The following EP300 variants were observed in gnomAD, a reference collection of about 807,000 sequenced individuals.
EP300 encodes the protein histone acetyltransferase p300.
In EP300, 31 loss-of-function variants were observed where a neutral mutation model predicts 264.0. The ratio of observed to expected loss-of-function variants is 0.12; its 90% CI spans 0.09 to 0.16. The LOEUF (loss-of-function observed/expected upper bound fraction) is 0.16, where lower values mean the gene tolerates loss of function less well. EP300 is among the 10% of genes least tolerant of loss of function. EP300 has a pLI of 1.00. For missense variants in EP300, 2,766 were observed against 3,052.9 expected (o/e 0.91, Z 2.21); for synonymous variants, 1,340 against 1,045.4 (o/e 1.28, Z -5.44).
At chr22:41,105,954 A>G (rs746637185) in intron 1 of EP300, among the ~76,000 whole-genome samples, 6 of 152,182 alleles carry the variant, frequency 3.9e-5, no homozygotes, top group Non-Finnish European at 8.8e-5. Context: ...AGTATTAGAG[A>G]TCTTGCCTGT....
At chr22:41,138,627 G>A (rs903663639) in intron 8 of EP300, among the ~76,000 whole-genome samples, 2 of 152,172 alleles carry the variant, frequency 1.3e-5, no homozygotes, top group African/African-American at 4.8e-5. Context: ...AGATGAAGGA[G>A]GGGGAGGCAT....
intron 21 of EP300, among the ~76,000 whole-genome samples, chr22:41,163,434 C>CA (rs763502729): frequency 0.054 from 2,417 of 44,680 alleles, 111 homozygotes; most frequent in East Asian, 0.3. Context: ...GACTCCGTCT[C>CA]AAAAAAAAAA....
chr22:41,176,644 G>A (rs759450780), intron 30 of EP300, 116 bp downstream of exon 30: 176 of 1,608,184 alleles, frequency 1.1e-4, no homozygotes, highest in Non-Finnish European at 1.1e-4. Context: ...CCTCGTGTTT[G>A]AGGGGCAGAG....
At chr22:41,137,926 T>C in intron 8 of EP300, 136 bp downstream of exon 8, 1 of 1,203,688 alleles carries the variant, frequency 8.3e-7, no homozygotes, top group Non-Finnish European at 1.2e-6. Flanking sequence ...ATACTTCTAC[T>C]CTTGTGGATT....
intron 3 of EP300, 41 bp from the exon 4 acceptor site, chr22:41,127,446 A>G: frequency 6.2e-7 from 1 of 1,612,136 alleles, no homozygotes; most frequent in Non-Finnish European, 8.5e-7. Flanking sequence ...GAAATAGCAC[A>G]TTATGACTCC....
At chr22:41,105,229 G>A (rs995497768) in intron 1 of EP300, among the ~76,000 whole-genome samples, 2 of 148,028 alleles carry the variant, frequency 1.4e-5, no homozygotes, top group Non-Finnish European at 1.5e-5. Flanking sequence ...AAAGCCGGGC[G>A]TGGTGGCAGG....
intron 21 of EP300, 151 bp from the exon 22 acceptor site, chr22:41,163,902 C>T: frequency 1.3e-6 from 1 of 752,760 alleles, no homozygotes; most frequent in Non-Finnish European, 2.3e-6. Context: ...AACAGAGACC[C>T]TATCTCTAAA....
intron 2 of EP300, among the ~76,000 whole-genome samples, chr22:41,120,512 C>T (rs376214908): frequency 6.6e-6 from 1 of 152,122 alleles, no homozygotes. Context: ...GACTGTAACC[C>T]TGTTGGCAAA....
chr22:41,127,812 G>A (rs2145710616), intron 4 of EP300, 64 bp downstream of exon 4: 3 of 1,597,228 alleles, frequency 1.9e-6, no homozygotes, highest in Non-Finnish European at 2.6e-6. Flanking sequence ...GAAGGAAAAT[G>A]TGATCAAGTC....
intron 7 of EP300, among the ~76,000 whole-genome samples, chr22:41,136,628 C>G (rs1388910138): frequency 1.3e-5 from 2 of 151,782 alleles, no homozygotes; most frequent in African/African-American, 4.8e-5. Context: ...ACCACTGCAC[C>G]CTAGTCTGGG....
chr22:41,148,818 G>C (rs1228180694), intron 12 of EP300: 4 of 592,932 alleles, frequency 6.7e-6, no homozygotes, highest in Admixed American at 3.0e-5. Flanking sequence ...TCTTGGAGTA[G>C]GCCTAGGTAA....
intron 6 of EP300, among the ~76,000 whole-genome samples, chr22:41,135,540 G>A (rs2058945712): frequency 6.6e-6 from 1 of 151,394 alleles, no homozygotes; most frequent in Admixed American, 6.6e-5. Context: ...TTACAGGCGT[G>A]AGCCTCTGCG....
At chr22:41,114,522 G>A (rs1057093072) in intron 1 of EP300, among the ~76,000 whole-genome samples, 3 of 152,264 alleles carry the variant, frequency 2.0e-5, no homozygotes, top group South Asian at 2.1e-4. Flanking sequence ...TATTTCAAAA[G>A]GAAAGAGTAA....
At chr22:41,098,597 C>T (rs1315397594) in intron 1 of EP300, among the ~76,000 whole-genome samples, 1 of 152,036 alleles carries the variant, frequency 6.6e-6, no homozygotes, top group Non-Finnish European at 1.5e-5. Context: ...GGTCTCCATA[C>T]ACTGACCTCG....
At chr22:41,147,603 T>C (rs2059018750) in intron 11 of EP300, among the ~76,000 whole-genome samples, 1 of 152,058 alleles carries the variant, frequency 6.6e-6, no homozygotes, top group East Asian at 1.9e-4. Flanking sequence ...CTGGGTGTGG[T>C]GGCGGACGCC....
intron 11 of EP300, 87 bp from the exon 12 acceptor site, chr22:41,147,750 A>AT: frequency 4.0e-6 from 4 of 998,580 alleles, no homozygotes; most frequent in South Asian, 1.3e-5. Flanking sequence ...AAAAAAAAAA[A>AT]GATACAGAAT....
chr22:41,111,091 G>C (rs2058787788), intron 1 of EP300, among the ~76,000 whole-genome samples: 1 of 151,614 alleles, frequency 6.6e-6, no homozygotes. Flanking sequence ...TCAGCCTTCT[G>C]AGTAGCTGGG....
chr22:41,173,841 G>C, intron 29 of EP300, 57 bp downstream of exon 29: 1 of 1,605,846 alleles, frequency 6.2e-7, no homozygotes, highest in South Asian at 1.1e-5. Flanking sequence ...GCCAGGCATG[G>C]TGGCTCACAC....
chr22:41,151,830 C>T lies in EP300; in HGVS notation c.2818-3C>T, dbSNP rs2145739728. ...CACCTACTTCCCTTTTTTTTCTGCCCAGCTTTCCCAGCCAGCTGTAAGCAT... is the reference window on the plus strand; with the variant it reads ...CACCTACTTCCCTTTTTTTTCTGCCTAGCTTTCCCAGCCAGCTGTAAGCAT... On this transcript the variant is annotated splice_polypyrimidine_tract_variant and splice_region_variant and intron_variant, in intron 14 of 30. Coordinates refer to ENST00000263253, the MANE Select transcript of EP300 (RefSeq NM_001429.4). 6.2e-7 allele frequency: 1 copy of T among 1,613,808 alleles called. No individual in the cohort carries two copies.
Sources: gnomAD v4.1 joint callset for allele counts (sites outside exome capture counted in the v4.1 genomes callset) on GRCh38, gnomAD v4.1.1 for gene constraint, MANE v1.5 for transcripts, NCBI Gene and HGNC (gene_info 2026-07-23, HGNC 2026-07-21) for gene names.